The following NOS1AP variants were observed in gnomAD, a reference collection of about 807,000 sequenced individuals.
The protein encoded by NOS1AP is nitric oxide synthase 1 adaptor protein, also known as carboxyl-terminal PDZ ligand of neuronal nitric oxide synthase protein.
NOS1AP carries 21 observed loss-of-function variants against 56.2 expected under a neutral mutation model. The ratio of observed to expected loss-of-function variants is 0.37; its 90% CI spans 0.26 to 0.54. NOS1AP has a LOEUF of 0.54. Ranked by LOEUF, NOS1AP falls within the 20% of genes least tolerant of loss-of-function variation. NOS1AP has a pLI of 0.84. For missense variants in NOS1AP, 522 were observed against 657.8 expected (o/e 0.79, Z 2.26); for synonymous variants, 270 against 274.6 (o/e 0.98, Z 0.17).
rs977152288 is a variant in NOS1AP at position 162,264,812 on chromosome 1, G to A, written c.178-22532G>A. Among the ~76,000 whole-genome samples, 247 of 60,922 alleles carry A rather than the reference G, an allele frequency of 4.1e-3. 1 individual carries two copies. Among genetic ancestry groups the A allele is most frequent in the African/African-American group, 0.012 (225 of 18,468 alleles). The allele number at this position is 60,922 out of a possible 152,430, so 40.0% of individuals were successfully genotyped here. Reference sequence around the variant, plus strand: ...AAAGTGTGCGTGAGCCACCGCGCCCGACCTTTTTTTTTTTTTTTCAAGACA... The same window carrying A: ...AAAGTGTGCGTGAGCCACCGCGCCCAACCTTTTTTTTTTTTTTTCAAGACA... On this transcript the variant is annotated intron_variant, in intron 2 of 9. Transcript: ENST00000361897.
chr1:162,361,286 A>T (rs556423042), intron 8 of NOS1AP, among the ~76,000 whole-genome samples: 1 of 152,206 alleles, frequency 6.6e-6, no homozygotes, highest in Admixed American at 6.5e-5. Context: ...ACAAAAAAAA[A>T]ATCCCATCTG....
At chr1:162,205,982 G>A (rs140804552) in intron 2 of NOS1AP, among the ~76,000 whole-genome samples, 219 of 152,278 alleles carry the variant, frequency 1.4e-3, no homozygotes, top group Non-Finnish European at 2.2e-3. Context: ...CCACCTCTCA[G>A]CAAAGCAGTC....
chr1:162,089,969 A>T (rs928573845), intron 1 of NOS1AP, among the ~76,000 whole-genome samples: 1 of 152,222 alleles, frequency 6.6e-6, no homozygotes, highest in African/African-American at 2.4e-5. Flanking sequence ...AACTAATACA[A>T]TCATATAGTC....
intron 2 of NOS1AP, among the ~76,000 whole-genome samples, chr1:162,165,669 A>G (rs1489802710): frequency 1.3e-5 from 2 of 152,182 alleles, no homozygotes; most frequent in Admixed American, 6.5e-5. Flanking sequence ...CAGAGATCCT[A>G]CAAGAACATG....
intron 3 of NOS1AP, among the ~76,000 whole-genome samples, chr1:162,294,308 C>T (rs1655380616): frequency 6.6e-6 from 1 of 152,092 alleles, no homozygotes; most frequent in Admixed American, 6.5e-5. Context: ...TCAGGGTGTC[C>T]AGAAGCCAAA....
intron 2 of NOS1AP, among the ~76,000 whole-genome samples, chr1:162,261,654 G>C (rs1309822505): frequency 6.6e-6 from 1 of 152,010 alleles, no homozygotes; most frequent in African/African-American, 2.4e-5. Flanking sequence ...TCCAGAAGCT[G>C]GAAAAGTGAA....
chr1:162,109,561 C>T (rs367986259), intron 1 of NOS1AP, among the ~76,000 whole-genome samples: 10 of 151,974 alleles, frequency 6.6e-5, no homozygotes, highest in Middle Eastern at 3.2e-3. Flanking sequence ...CTGAGTAATG[C>T]GTTTATTCAT....
At chr1:162,162,225 C>A (rs1279549314) in intron 2 of NOS1AP, among the ~76,000 whole-genome samples, 1 of 151,814 alleles carries the variant, frequency 6.6e-6, no homozygotes, top group East Asian at 1.9e-4. Flanking sequence ...AGGGTTATGC[C>A]CTGAAGAAAA....
At chr1:162,289,213 C>T (rs868226363) in intron 3 of NOS1AP, among the ~76,000 whole-genome samples, 409 of 34,280 alleles carry the variant, frequency 0.012, 8 homozygotes, top group Non-Finnish European at 0.019. Context: ...CCTTCCTTTC[C>T]TTCCTTCCTT....
chr1:162,209,022 A>G (rs1028804591), intron 2 of NOS1AP, among the ~76,000 whole-genome samples: 8 of 152,228 alleles, frequency 5.3e-5, no homozygotes, highest in Non-Finnish European at 1.5e-5. Context: ...CAGAATGCCA[A>G]CACTGCAGGG....
rs534498629 is a variant in NOS1AP at position 162,314,823 on chromosome 1, G to A, written c.344+14117G>A. ...CCAAGGTAAGACTCCTATTTTGCCA[G>A]TAAGTGTTGAACATCATCTTTGAAT... On this transcript the variant is annotated intron_variant, in intron 4 of 9. Transcript: ENST00000361897. Among the ~76,000 whole-genome samples, 3 of 152,316 alleles carry A rather than the reference G, an allele frequency of 2.0e-5. No homozygotes were observed. The East Asian group carries it at 5.8e-4, about 29-fold the overall frequency.
At chr1:162,223,092 T>C (rs1298721698) in intron 2 of NOS1AP, among the ~76,000 whole-genome samples, 1 of 152,254 alleles carries the variant, frequency 6.6e-6, no homozygotes, top group Non-Finnish European at 1.5e-5. Context: ...GTGTAAAGTA[T>C]ATGTAATCTT....
At chr1:162,353,620 A>G (rs1657598194) in intron 6 of NOS1AP, among the ~76,000 whole-genome samples, 1 of 152,236 alleles carries the variant, frequency 6.6e-6, no homozygotes, top group African/African-American at 2.4e-5. Flanking sequence ...TGAATGAGAC[A>G]CAGCCTGGCC....
intron 3 of NOS1AP, among the ~76,000 whole-genome samples, chr1:162,299,196 G>C (rs1007880265): frequency 1.3e-5 from 2 of 152,040 alleles, no homozygotes; most frequent in Admixed American, 1.3e-4. Flanking sequence ...CTCATTATGA[G>C]GTCATTAAAA....
At position 162,357,042 on chromosome 1, in the gene NOS1AP, G is replaced by A; in HGVS notation, c.845G>A (p.Gly282Asp). Reference sequence around the variant, plus strand: ...TCTTCCTCGAAGCCTCCAGGCCTGGGCACAGAGACACCGCTGTCCACTCAC... The same window carrying A: ...TCTTCCTCGAAGCCTCCAGGCCTGGACACAGAGACACCGCTGTCCACTCAC... Reference protein sequence around the residue: ...PSSSSKPPGLGTETPLSTHHQ... With the variant: ...PSSSSKPPGLDTETPLSTHHQ... The change falls in exon 8 of 10, where the codon GGC becomes GAC. Residue 282 changes from glycine (G) to aspartate (D), a missense_variant. Gly to Asp is a moderately conservative substitution (Grantham distance 94). Coordinates refer to ENST00000361897, the MANE Select transcript of NOS1AP (RefSeq NM_014697.3). 2 of 1,613,606 alleles carry A rather than the reference G, an allele frequency of 1.2e-6. No individual in the cohort carries two copies. Among genetic ancestry groups the A allele is most frequent in the East Asian group, 2.2e-5 (1 of 44,874 alleles).
At chr1:162,363,369 G>A (rs1022507644) in intron 8 of NOS1AP, 3 of 152,590 alleles carry the variant, frequency 2.0e-5, no homozygotes, top group African/African-American at 7.2e-5. Context: ...CTGTGGGAAG[G>A]GTGGCAGAGC....
rs1191230404 is a variant in NOS1AP at position 162,078,902 on chromosome 1, C to T, written c.105+8620C>T. Reference sequence around the variant, plus strand: ...TTTGTATTAGAGCTGCTTGTCCTGTCCAATTTTCATCCCTACATTGTCATT... The same window carrying T: ...TTTGTATTAGAGCTGCTTGTCCTGTTCAATTTTCATCCCTACATTGTCATT... On this transcript the variant is annotated intron_variant, in intron 1 of 9. Coordinates refer to ENST00000361897, the MANE Select transcript of NOS1AP (RefSeq NM_014697.3). Among the ~76,000 whole-genome samples, 3 of 152,168 alleles carry T rather than the reference C, an allele frequency of 2.0e-5. No homozygotes were observed. The East Asian group carries it at 5.8e-4, about 29-fold the overall frequency.
intron 2 of NOS1AP, among the ~76,000 whole-genome samples, chr1:162,243,312 T>C (rs1251553117): frequency 2.0e-5 from 3 of 151,900 alleles, no homozygotes; most frequent in African/African-American, 7.3e-5. Flanking sequence ...AGGAAGGCAA[T>C]GATGAGGGGC....
chr1:162,138,118 C>G (rs1649082620), intron 1 of NOS1AP, among the ~76,000 whole-genome samples: 1 of 152,170 alleles, frequency 6.6e-6, no homozygotes, highest in Non-Finnish European at 1.5e-5. Flanking sequence ...CAGATATGCA[C>G]AGTGTATTGG....
Sources: allele counts gnomAD v4.1 joint callset (sites outside exome capture counted in the v4.1 genomes callset), GRCh38; gene constraint gnomAD v4.1.1; transcripts MANE v1.5; gene names NCBI Gene and HGNC (gene_info 2026-07-23, HGNC 2026-07-21).